DNAI4: variants seen among roughly 807,000 people sequenced by gnomAD.
DNAI4 encodes the protein dynein axonemal intermediate chain 4, also known as WD repeat domain 78.
Under a neutral mutation model 105.8 loss-of-function variants are expected in DNAI4, and 85 were observed. The observed-to-expected ratio is 0.80, with a 90% CI of 0.67 to 0.96. The LOEUF is 0.96. DNAI4 is among the 40% of genes least tolerant of loss of function. The pLI is 0.00. For missense variants in DNAI4, 1,014 were observed against 1,005.6 expected (o/e 1.01, Z -0.11); for synonymous variants, 352 against 331.5 (o/e 1.06, Z -0.67).
At chr1:66,876,027 T>C (rs1557948357) in intron 4 of DNAI4, among the ~76,000 whole-genome samples, 1 of 152,102 alleles carries the variant, frequency 6.6e-6, no homozygotes, top group Non-Finnish European at 1.5e-5. Flanking sequence ...ACAGAAAATT[T>C]TAAGTTGCAA....
intron 7 of DNAI4, chr1:66,848,350 T>G (rs747258574): frequency 6.9e-6 from 3 of 437,104 alleles, no homozygotes; most frequent in Middle Eastern, 3.4e-4. Context: ...CCCATGTGAT[T>G]AGACTGGGCC....
At chr1:66,852,157 A>G (rs1646411002) in intron 7 of DNAI4, among the ~76,000 whole-genome samples, 2 of 151,978 alleles carry the variant, frequency 1.3e-5, no homozygotes, top group South Asian at 4.1e-4. Flanking sequence ...AAATAAACCA[A>G]TTACTTAAAA....
At chr1:66,864,412 T>C (rs112582936) in intron 6 of DNAI4, among the ~76,000 whole-genome samples, 4 of 152,320 alleles carry the variant, frequency 2.6e-5, no homozygotes, top group African/African-American at 9.6e-5. Flanking sequence ...TTTTTAAGCA[T>C]TTCTCAGTGT....
chr1:66,912,687 G>C (rs771889810), intron 1 of DNAI4, among the ~76,000 whole-genome samples: 3 of 152,148 alleles, frequency 2.0e-5, no homozygotes, highest in Non-Finnish European at 4.4e-5. Flanking sequence ...CTGAGGCTGA[G>C]TCACGGGCGC....
At chr1:66,877,940 T>C (rs1033125130) in intron 4 of DNAI4, among the ~76,000 whole-genome samples, 2 of 152,188 alleles carry the variant, frequency 1.3e-5, no homozygotes, top group Admixed American at 1.3e-4. Flanking sequence ...GCTAACATCA[T>C]AACTTATCAT....
At chr1:66,873,005 AC>A (rs1306453705) in intron 5 of DNAI4, among the ~76,000 whole-genome samples, 1 of 151,890 alleles carries the variant, frequency 6.6e-6, no homozygotes, top group Non-Finnish European at 1.5e-5. Flanking sequence ...GAGCTACCAC[AC>A]CCGGCCTGAC....
At chr1:66,853,048 G>T (rs1646429419) in intron 7 of DNAI4, among the ~76,000 whole-genome samples, 1 of 152,196 alleles carries the variant, frequency 6.6e-6, no homozygotes, top group South Asian at 2.1e-4. Flanking sequence ...CAGGAGGAAT[G>T]GTAAATTCAG....
At chr1:66,871,056 G>T in intron 6 of DNAI4, 1 of 275,064 alleles carries the variant, frequency 3.6e-6, no homozygotes, top group Non-Finnish European at 6.7e-6. Context: ...CATTTAAAAT[G>T]TTAATAGTTA....
At chr1:66,919,419 G>A (rs1289826180) in intron 1 of DNAI4, among the ~76,000 whole-genome samples, 1 of 152,200 alleles carries the variant, frequency 6.6e-6, no homozygotes, top group African/African-American at 2.4e-5. Flanking sequence ...TTGGAGACAA[G>A]TTGAAAACAG....
At position 66,860,848 on chromosome 1, in the gene DNAI4, T is replaced by C. The variant is rs557607107; in HGVS notation, c.1096+1299A>G. 14 of 152,290 alleles carry C rather than the reference T, an allele frequency of 9.2e-5. No homozygotes were observed. The South Asian group carries it at 1.0e-3, about 11-fold the overall frequency. 9.4% of individuals were successfully genotyped at this position (152,290 alleles called of 1,614,324 possible). On this transcript the variant is annotated intron_variant, in intron 7 of 16. Coordinates refer to ENST00000371026, the MANE Select transcript of DNAI4 (RefSeq NM_024763.5). ...AGCTTCTACAAGCAAACCTATTGTA[T>C]AGACATTCATGCTTAACAAAAACAA...
At chr1:66,865,665 A>C (rs1338429119) in intron 6 of DNAI4, among the ~76,000 whole-genome samples, 1 of 152,198 alleles carries the variant, frequency 6.6e-6, no homozygotes, top group Non-Finnish European at 1.5e-5. Context: ...ACAGCTAGAC[A>C]AGCACAGACT....
rs1055117587 is a variant in DNAI4, at chr1:66,853,582, A to G, written c.1097-5904T>C. Among the ~76,000 whole-genome samples, 7 of 152,362 alleles carry G rather than the reference A, an allele frequency of 4.6e-5. No homozygotes were observed. The East Asian group carries it at 1.4e-3, about 29-fold the overall frequency. On this transcript the variant is annotated intron_variant, in intron 7 of 16. Transcript: ENST00000371026. ...AAATTTCCAACAAGTGTCCCACACC[A>G]GAACCCAACCATTCTGGCACTCTGA...
intron 3 of DNAI4, among the ~76,000 whole-genome samples, chr1:66,892,081 G>C (rs1210685109): frequency 6.6e-6 from 1 of 152,072 alleles, no homozygotes; most frequent in Non-Finnish European, 1.5e-5. Context: ...TATGTACTCA[G>C]AAATAAATCA....
rs761041240 is a variant in DNAI4, at chr1:66,837,833, G to T, written c.1495-37C>A. The T allele has an allele frequency of 2.3e-5, 36 of 1,541,064 alleles. No homozygotes were observed. The East Asian group carries it at 7.3e-4, about 31-fold the overall frequency. On this transcript the variant is annotated intron_variant, in intron 9 of 16. Transcript: ENST00000371026. ...AAAAATACATTTAAAAATAAGAGAA[G>T]ATAGCATTAAAATATTGGTAAATGT... is the stretch of plus-strand genomic sequence containing the variant.
At chr1:66,835,172 G>A (rs1271054033) in intron 11 of DNAI4, among the ~76,000 whole-genome samples, 1 of 151,550 alleles carries the variant, frequency 6.6e-6, no homozygotes, top group Non-Finnish European at 1.5e-5. Context: ...TTGCTCTCAA[G>A]GAACTTATAC....
chr1:66,859,582 T>C (rs930648013), intron 7 of DNAI4, among the ~76,000 whole-genome samples: 3 of 152,168 alleles, frequency 2.0e-5, no homozygotes, highest in Non-Finnish European at 1.5e-5. Flanking sequence ...ATAACCAAAC[T>C]GTGGTACACT....
intron 3 of DNAI4, among the ~76,000 whole-genome samples, 170 bp downstream of exon 3, chr1:66,893,059 G>A (rs12092303): frequency 0.056 from 3,150 of 56,352 alleles, 111 homozygotes; most frequent in Middle Eastern, 0.083. Flanking sequence ...AAGAAAGAGA[G>A]AGAGAGAAAG....
chr1:66,854,132 C>T (rs1396616496), intron 7 of DNAI4, among the ~76,000 whole-genome samples: 1 of 152,166 alleles, frequency 6.6e-6, no homozygotes, highest in Non-Finnish European at 1.5e-5. Flanking sequence ...TTGCTCATGC[C>T]TGTAACCCCA....
intron 8 of DNAI4, among the ~76,000 whole-genome samples, chr1:66,842,300 G>A (rs993636478): frequency 7.2e-5 from 11 of 152,198 alleles, no homozygotes; most frequent in Non-Finnish European, 1.5e-4. Flanking sequence ...TGCAGGTTTG[G>A]TGTGGACACA....
Sources: allele counts gnomAD v4.1 joint callset (sites outside exome capture counted in the v4.1 genomes callset), GRCh38; gene constraint gnomAD v4.1.1; transcripts MANE v1.5; gene names NCBI Gene and HGNC (gene_info 2026-07-23, HGNC 2026-07-21).